PPFIA2: variants seen among roughly 807,000 people sequenced by gnomAD.
PPFIA2 encodes the protein liprin-alpha-2.
PPFIA2 carries 46 observed loss-of-function variants against 175.5 expected under a neutral mutation model. That is an observed-to-expected ratio of 0.26 (90% CI 0.21 to 0.34). The LOEUF is 0.34. PPFIA2 is among the 10% of genes least tolerant of loss of function. PPFIA2 has a pLI of 1.00. For missense variants in PPFIA2, 1,179 were observed against 1,506.1 expected (o/e 0.78, Z 3.60); for synonymous variants, 568 against 511.4 (o/e 1.11, Z -1.49).
intron 4 of PPFIA2, among the ~76,000 whole-genome samples, chr12:81,626,659 T>C (rs559118644): frequency 5.3e-5 from 8 of 152,168 alleles, no homozygotes; most frequent in South Asian, 4.1e-4. Flanking sequence ...GGTGATGCTA[T>C]TATAAAGGAC....
At chr12:81,414,300 C>G (rs2044543297) in intron 7 of PPFIA2, among the ~76,000 whole-genome samples, 1 of 151,588 alleles carries the variant, frequency 6.6e-6, no homozygotes, top group African/African-American at 2.4e-5. Context: ...TTTTCCTGAC[C>G]TGCGTTGGCA....
intron 4 of PPFIA2, among the ~76,000 whole-genome samples, chr12:81,581,847 T>A (rs2096871973): frequency 6.6e-6 from 1 of 151,922 alleles, no homozygotes; most frequent in Admixed American, 6.6e-5. Context: ...TTTCTGCTGC[T>A]TTCAACTGCA....
intron 4 of PPFIA2, among the ~76,000 whole-genome samples, chr12:81,462,589 T>TAC (rs2054821131): frequency 9.6e-6 from 1 of 103,820 alleles, no homozygotes; most frequent in South Asian, 3.4e-4. Context: ...TATATACATA[T>TAC]ATATATATAT....
chr12:81,312,125 T>C lies in PPFIA2; in HGVS notation c.2643-12743A>G, dbSNP rs1307750751. On this transcript the variant is annotated intron_variant, in intron 22 of 32. Coordinates refer to ENST00000549396, the MANE Select transcript of PPFIA2 (RefSeq NM_003625.5). ...AGAAAAAAAAAGATGGCGCTGAAAA[T>C]AAACATGTTCAGCAGCCATTGTGAT... The C allele has an allele frequency of 4.6e-6, 7 of 1,530,388 alleles. No individual in the cohort carries two copies. The Admixed American group carries it at 1.4e-4, about 30-fold the overall frequency. 94.8% of individuals were successfully genotyped at this position (1,530,388 alleles called of 1,614,324 possible).
intron 5 of PPFIA2, among the ~76,000 whole-genome samples, chr12:81,448,090 TG>T (rs1211659429): frequency 6.6e-6 from 1 of 152,108 alleles, no homozygotes; most frequent in African/African-American, 2.4e-5. Context: ...CACAATACAG[TG>T]TAAGATTTAG....
At chr12:81,302,890 C>T (rs1010468235) in intron 22 of PPFIA2, among the ~76,000 whole-genome samples, 24 of 152,056 alleles carry the variant, frequency 1.6e-4, no homozygotes, top group East Asian at 1.9e-4. Context: ...TGCTATAATA[C>T]TTGGAAATAA....
At chr12:81,674,849 T>C (rs1237955477) in intron 4 of PPFIA2, among the ~76,000 whole-genome samples, 1 of 151,936 alleles carries the variant, frequency 6.6e-6, no homozygotes, top group African/African-American at 2.4e-5. Flanking sequence ...GCTAAATACC[T>C]AGATACCTTA....
At chr12:81,743,603 G>A (rs996100962) in intron 3 of PPFIA2, among the ~76,000 whole-genome samples, 5 of 151,666 alleles carry the variant, frequency 3.3e-5, no homozygotes, top group Admixed American at 1.3e-4. Flanking sequence ...CATAATGTAG[G>A]AAAAATAATG....
chr12:81,703,680 C>G (rs941375471), intron 3 of PPFIA2, among the ~76,000 whole-genome samples: 4 of 151,984 alleles, frequency 2.6e-5, no homozygotes, highest in African/African-American at 4.8e-5. Flanking sequence ...CCTAAAAATC[C>G]CACCATAATC....
intron 30 of PPFIA2, among the ~76,000 whole-genome samples, chr12:81,266,055 C>A (rs553611351): frequency 4.6e-5 from 7 of 152,256 alleles, no homozygotes; most frequent in Non-Finnish European, 8.8e-5. Context: ...ATAATCCCCA[C>A]CATAAAGGAC....
intron 4 of PPFIA2, among the ~76,000 whole-genome samples, chr12:81,644,346 C>T (rs2065769186): frequency 6.6e-6 from 1 of 151,856 alleles, no homozygotes; most frequent in Admixed American, 6.6e-5. Context: ...GGTGAACACA[C>T]TAAATATATC....
At chr12:81,304,684 T>C (rs1022181410) in intron 22 of PPFIA2, among the ~76,000 whole-genome samples, 23 of 151,866 alleles carry the variant, frequency 1.5e-4, no homozygotes, top group Admixed American at 1.4e-3. Flanking sequence ...GAGCAACTGA[T>C]AAAAGCCAAG....
At chr12:81,311,749 A>AAAGAAAG (rs1555249971) in intron 22 of PPFIA2, among the ~76,000 whole-genome samples, 8 of 143,028 alleles carry the variant, frequency 5.6e-5, no homozygotes, top group African/African-American at 2.1e-4. Context: ...AAAAAAAAAA[A>AAAGAAAG]AAAGAAAGAA....
intron 4 of PPFIA2, among the ~76,000 whole-genome samples, chr12:81,515,338 G>C (rs748987746): frequency 1.3e-5 from 2 of 151,808 alleles, no homozygotes; most frequent in Non-Finnish European, 2.9e-5. Context: ...AAATCTTGAA[G>C]ATTACCCAAC....
At chr12:81,529,761 G>GT (rs1364909945) in intron 4 of PPFIA2, among the ~76,000 whole-genome samples, 1 of 151,916 alleles carries the variant, frequency 6.6e-6, no homozygotes, top group Admixed American at 6.6e-5. Flanking sequence ...TGCTAAATAT[G>GT]TTTTTTACAC....
intron 8 of PPFIA2, among the ~76,000 whole-genome samples, chr12:81,400,668 A>G (rs1460574408): frequency 6.6e-6 from 1 of 152,206 alleles, no homozygotes; most frequent in Non-Finnish European, 1.5e-5. Context: ...TTTAGAGAAC[A>G]GTCACGAATA....
In PPFIA2 at chr12:81,445,206, TGG is replaced by T. The variant is rs536566949; in HGVS notation, c.570+348_570+349del. The stretch of plus-strand genomic sequence containing the variant: ...TGGAATCTATAAAGAAAGACCAAGG[TGG>T]GGGGGGGGGAGGGGGGAGAGAGAGA... On this transcript the variant is annotated intron_variant, in intron 6 of 32. Coordinates refer to ENST00000549396, the MANE Select transcript of PPFIA2 (RefSeq NM_003625.5). Among the ~76,000 whole-genome samples the T allele has an allele frequency of 9.4e-3, 194 of 20,676 alleles. 4 individuals carry two copies. Among genetic ancestry groups the T allele is most frequent in the African/African-American group, 0.014 (140 of 10,158 alleles). The allele number at this position is 20,676 out of a possible 152,430, so 13.6% of individuals were successfully genotyped here.
chr12:81,673,601 G>A (rs946666783), intron 4 of PPFIA2, among the ~76,000 whole-genome samples: 3 of 151,828 alleles, frequency 2.0e-5, no homozygotes, highest in Non-Finnish European at 2.9e-5. Context: ...GTTAATCTGT[G>A]ATCAAATTTT....
At chr12:81,501,421 C>T (rs370028995) in intron 4 of PPFIA2, among the ~76,000 whole-genome samples, 1 of 152,130 alleles carries the variant, frequency 6.6e-6, no homozygotes, top group Non-Finnish European at 1.5e-5. Flanking sequence ...CACTATCTAG[C>T]ATATAATACA....
Sources: allele counts gnomAD v4.1 joint callset (sites outside exome capture counted in the v4.1 genomes callset), GRCh38; gene constraint gnomAD v4.1.1; transcripts MANE v1.5; gene names NCBI Gene and HGNC (gene_info 2026-07-23, HGNC 2026-07-21).